Variants in SEMA6D observed in about 807,000 individuals in gnomAD.
SEMA6D encodes semaphorin-6D.
Under a neutral mutation model 106.6 loss-of-function variants are expected in SEMA6D, and 35 were observed. That is an observed-to-expected ratio of 0.33 (90% CI 0.25 to 0.44). The LOEUF (loss-of-function observed/expected upper bound fraction) is 0.44. Ranked by LOEUF, SEMA6D falls within the 20% of genes least tolerant of loss-of-function variation. The pLI, the probability that SEMA6D is intolerant of heterozygous loss-of-function variation, is 1.00. For synonymous variants in SEMA6D, 499 were observed against 487.7 expected, an observed-to-expected ratio of 1.02 and a Z score of -0.31; for missense variants, 1,185 against 1,345.9, an observed-to-expected ratio of 0.88 and a Z score of 1.87.
chr15:47,634,898 T>A (rs1332124403), intron 4 of SEMA6D, among the ~76,000 whole-genome samples: 1 of 152,226 alleles, frequency 6.6e-6, no homozygotes, highest in Non-Finnish European at 1.5e-5. Flanking sequence ...TTTTCCTGCA[T>A]GTCTGACTGG....
At chr15:47,535,713 T>C (rs2045140707) in intron 3 of SEMA6D, among the ~76,000 whole-genome samples, 1 of 151,264 alleles carries the variant, frequency 6.6e-6, no homozygotes, top group South Asian at 2.1e-4. Context: ...ATGAATGGTA[T>C]GGGAGTTTTC....
chr15:47,552,474 G>A (rs942513825), intron 3 of SEMA6D, among the ~76,000 whole-genome samples: 1 of 148,444 alleles, frequency 6.7e-6, no homozygotes, highest in Non-Finnish European at 1.5e-5. Context: ...ATGTATGTGT[G>A]TGTGTGTGTG....
rs571358158 is a variant in SEMA6D, at chr15:47,410,220, G to A, written c.-238-2173G>A. Among the ~76,000 whole-genome samples the A allele has an allele frequency of 4.1e-4, 63 of 152,116 alleles. 1 individual carries two copies. Among genetic ancestry groups the A allele is most frequent in the South Asian group, 1.2e-3 (6 of 4,806 alleles). ...GCTGGTCTTGAATTCCTGGGCTCAA[G>A]GGATCCGCTTGCCTTGGACTTCCAG... On this transcript the variant is annotated intron_variant, in intron 1 of 19. Coordinates refer to the SEMA6D transcript ENST00000558014.
chr15:47,249,875 A>G (rs1439176162), intron 1 of SEMA6D, among the ~76,000 whole-genome samples: 2 of 152,194 alleles, frequency 1.3e-5, no homozygotes, highest in African/African-American at 4.8e-5. Context: ...CCACATTTCC[A>G]GACAGTCTAA....
intron 1 of SEMA6D, among the ~76,000 whole-genome samples, chr15:47,719,425 G>C (rs1222785799): frequency 6.6e-6 from 1 of 152,158 alleles, no homozygotes; most frequent in African/African-American, 2.4e-5. Flanking sequence ...CCTGTTACTT[G>C]GGGTGAAAGG....
chr15:47,648,772 A>G (rs1566959259), intron 4 of SEMA6D, among the ~76,000 whole-genome samples: 1 of 152,150 alleles, frequency 6.6e-6, no homozygotes, highest in Non-Finnish European at 1.5e-5. Flanking sequence ...CATTTATTTC[A>G]GTATTTAATA....
intron 4 of SEMA6D, among the ~76,000 whole-genome samples, chr15:47,613,978 A>C (rs930231462): frequency 6.6e-5 from 10 of 152,188 alleles, no homozygotes; most frequent in African/African-American, 2.4e-4. Flanking sequence ...TATTCTTTCA[A>C]GGAATATTTA....
At chr15:47,550,799 C>T (rs2045662710) in intron 3 of SEMA6D, among the ~76,000 whole-genome samples, 1 of 152,152 alleles carries the variant, frequency 6.6e-6, no homozygotes, top group South Asian at 2.1e-4. Context: ...TCTCCCGTGG[C>T]TGAGAAACCA....
At chr15:47,717,225 A>T (rs1302712566), upstream of SEMA6D, 1 of 152,418 alleles carries the variant, frequency 6.6e-6, no homozygotes, top group Non-Finnish European at 1.5e-5. Context: ...GAGGGTGCGC[A>T]GCAGAGCGCC....
intron 1 of SEMA6D, among the ~76,000 whole-genome samples, chr15:47,187,268 ATT>A (rs974399464): frequency 9.9e-5 from 15 of 152,210 alleles, no homozygotes; most frequent in African/African-American, 3.6e-4. Context: ...GAAAAAAAGA[ATT>A]TTCAAAATAG....
chr15:47,647,044 C>T (rs2077594172), intron 4 of SEMA6D, among the ~76,000 whole-genome samples: 1 of 152,112 alleles, frequency 6.6e-6, no homozygotes, highest in African/African-American at 2.4e-5. Context: ...TTTTTTCTTT[C>T]TTTCTCATCA....
At chr15:47,740,566 A>G (rs2080750613) in intron 1 of SEMA6D, among the ~76,000 whole-genome samples, 2 of 152,078 alleles carry the variant, frequency 1.3e-5, no homozygotes, top group African/African-American at 4.8e-5. Context: ...CCTTCCAGAG[A>G]TAGAGACTTG....
intron 3 of SEMA6D, among the ~76,000 whole-genome samples, chr15:47,483,115 A>G (rs2043199601): frequency 6.6e-6 from 1 of 152,180 alleles, no homozygotes; most frequent in East Asian, 1.9e-4. Context: ...AATAAGGATT[A>G]TTAGGAATTT....
chr15:47,438,819 T>C (rs559894879), intron 2 of SEMA6D, among the ~76,000 whole-genome samples: 1 of 151,958 alleles, frequency 6.6e-6, no homozygotes, highest in Non-Finnish European at 1.5e-5. Context: ...TTAAACTCCA[T>C]GCGGGAGAGA....
At chr15:47,206,162 CAAAT>C (rs931507082) in intron 1 of SEMA6D, among the ~76,000 whole-genome samples, 10 of 152,112 alleles carry the variant, frequency 6.6e-5, no homozygotes, top group African/African-American at 2.4e-4. Context: ...GTTGTTTTAA[CAAAT>C]AAATATCCAA....
chr15:47,364,941 AAGCATGGT>A (rs1267727611), intron 1 of SEMA6D, among the ~76,000 whole-genome samples: 1 of 152,216 alleles, frequency 6.6e-6, no homozygotes, highest in African/African-American at 2.4e-5. Flanking sequence ...ATCAAAAGAA[AAGCATGGT>A]AGGCAAGAAA....
intron 2 of SEMA6D, among the ~76,000 whole-genome samples, chr15:47,450,207 C>CT (rs1320191918): frequency 1.7e-4 from 26 of 152,128 alleles, no homozygotes; most frequent in African/African-American, 6.3e-4. Flanking sequence ...ATCAAAATAT[C>CT]TAACTTTTTC....
chr15:47,656,015 G>A (rs2077785888), intron 4 of SEMA6D, among the ~76,000 whole-genome samples: 1 of 152,096 alleles, frequency 6.6e-6, no homozygotes, highest in Non-Finnish European at 1.5e-5. Flanking sequence ...TTTATTTAAT[G>A]CCACCTTTTC....
chr15:47,755,906 A>G lies in SEMA6D; in HGVS notation c.-54-3839A>G, dbSNP rs190260521. On this transcript the variant is annotated intron_variant, in intron 1 of 18. Coordinates refer to ENST00000536845, the MANE Select transcript of SEMA6D (RefSeq NM_001358351.3). ...GTATAAATATTATATAAAATCATCA[A>G]GTCTCCATAAGGTAAAATCAAATGC... Among the ~76,000 whole-genome samples, 80 of 151,054 alleles carry G rather than the reference A, an allele frequency of 5.3e-4. 1 individual carries two copies. The highest frequency in any genetic ancestry group is 2.6e-3 in the Admixed American group (39 of 15,124).
Sources: gnomAD v4.1 joint callset for allele counts (sites outside exome capture counted in the v4.1 genomes callset) on GRCh38, gnomAD v4.1.1 for gene constraint, MANE v1.5 for transcripts, NCBI Gene and HGNC (gene_info 2026-07-23, HGNC 2026-07-21) for gene names.